LYST: variants seen among roughly 807,000 people sequenced by gnomAD.
LYST encodes the protein lysosomal-trafficking regulator.
Under a neutral mutation model 413.6 loss-of-function variants are expected in LYST, and 192 were observed. That is an observed-to-expected ratio of 0.46 (90% CI 0.41 to 0.52). The LOEUF is 0.52. Among genes scored for constraint, LYST ranks in the 20% least tolerant of loss-of-function variants. The pLI is 0.00. For missense variants in LYST, 3,815 were observed against 4,499.9 expected (o/e 0.85, Z 4.35); for synonymous variants, 1,525 against 1,567.3 (o/e 0.97, Z 0.64).
intron 3 of LYST, among the ~76,000 whole-genome samples, chr1:235,820,809 C>A: frequency 6.6e-6 from 1 of 152,200 alleles, no homozygotes; most frequent in Non-Finnish European, 1.5e-5. Flanking sequence ...ATAATTATTT[C>A]TAATATATGT....
At chr1:235,857,897 A>G (rs916374691) in intron 1 of LYST, among the ~76,000 whole-genome samples, 1 of 152,108 alleles carries the variant, frequency 6.6e-6, no homozygotes, top group African/African-American at 2.4e-5. Flanking sequence ...GTATTCTCCT[A>G]GTTTCCCAAG....
chr1:235,838,831 T>C (rs1207145875), intron 1 of LYST, among the ~76,000 whole-genome samples: 2 of 152,338 alleles, frequency 1.3e-5, no homozygotes, highest in South Asian at 2.1e-4. Flanking sequence ...TTAGTCTGTG[T>C]GTAGATCATT....
chr1:235,812,993 A>T lies in LYST; in HGVS notation c.261T>A (p.Pro87=). The T allele has an allele frequency of 1.9e-6, 3 of 1,610,672 alleles. No individual in the cohort carries two copies. The highest frequency in any genetic ancestry group is 2.5e-6 in the Non-Finnish European group (3 of 1,177,072). ...LSLLPLVWKI[P]VQEEKATDFN... is the part of the protein sequence containing the mutation. ...TACCTGTTGCCTTTTCTTCTTGGAC[A>T]GGTATCTTCCATACCAGTGGAAGGA... The change falls in exon 4 of 53, where the codon CCT becomes CCA. Residue 87 remains proline (P), a synonymous_variant. Coordinates refer to ENST00000389793, the MANE Select transcript of LYST (RefSeq NM_000081.4).
chr1:235,673,965 G>A (rs762628708), intron 50 of LYST, among the ~76,000 whole-genome samples: 50 of 152,206 alleles, frequency 3.3e-4, no homozygotes, highest in Admixed American at 3.3e-4. Flanking sequence ...GACCCAAATC[G>A]TCCCCTTTCC....
intron 1 of LYST, among the ~76,000 whole-genome samples, chr1:235,857,305 G>A (rs1679300334): frequency 6.6e-6 from 1 of 152,002 alleles, no homozygotes; most frequent in African/African-American, 2.4e-5. Context: ...CAACTAGATG[G>A]GCATGAGTGG....
intron 1 of LYST, among the ~76,000 whole-genome samples, chr1:235,838,060 T>C (rs1163670489): frequency 1.3e-5 from 2 of 152,114 alleles, no homozygotes; most frequent in African/African-American, 2.4e-5. Context: ...ATAAGAAGAA[T>C]GTCAGAGAAT....
chr1:235,733,253 C>T (rs1303911692), intron 34 of LYST, among the ~76,000 whole-genome samples: 1 of 151,254 alleles, frequency 6.6e-6, no homozygotes, highest in Non-Finnish European at 1.5e-5. Flanking sequence ...TTTTACAGAC[C>T]ATATTTTAAA....
chr1:235,712,576 G>A, intron 42 of LYST: 2 of 977,058 alleles, frequency 2.0e-6, no homozygotes, highest in Non-Finnish European at 2.4e-6. Context: ...GAATAATGAA[G>A]AAGGAAGATT....
chr1:235,746,199 GA>G, intron 29 of LYST, 136 bp downstream of exon 29: 1 of 730,036 alleles, frequency 1.4e-6, no homozygotes, highest in South Asian at 1.7e-5. Flanking sequence ...TTCCAAATAA[GA>G]AACTCTTAAT....
chr1:235,846,382 G>C (rs1677870879), intron 1 of LYST, among the ~76,000 whole-genome samples: 1 of 152,140 alleles, frequency 6.6e-6, no homozygotes, highest in East Asian at 1.9e-4. Flanking sequence ...ACAGTCTTCA[G>C]CCCTAGACCT....
In LYST at chr1:235,775,073, C is replaced by T. The variant is rs1253474445; in HGVS notation, c.5474G>A (p.Ser1825Asn). Reference sequence around the variant, plus strand: ...TAATGCTTGAGTTTCTTCACAGCTACTGAGTTCAACAACCTAAAAAAAAAA... The same window carrying T: ...TAATGCTTGAGTTTCTTCACAGCTATTGAGTTCAACAACCTAAAAAAAAAA... ...VFLFARVVEL[S>N]SCEETQALAL... is the part of the protein sequence containing the mutation. The change falls in exon 18 of 53, where the codon AGT (serine) becomes AAT (asparagine). Residue 1825 changes from serine to asparagine, a missense_variant. Ser to Asn is a conservative substitution (Grantham distance 46). Around this residue, in one of 4 missense-constraint regions of LYST, gnomAD observed 530 missense variants for 696.5 expected, o/e 0.76. Coordinates refer to ENST00000389793, the MANE Select transcript of LYST (RefSeq NM_000081.4). The T allele has an allele frequency of 1.2e-6, 2 of 1,610,698 alleles. No individual in the cohort carries two copies. The highest frequency in any genetic ancestry group is 1.7e-6 in the Non-Finnish European group (2 of 1,179,330).
chr1:235,746,083 C>T (rs1665894959), intron 29 of LYST, among the ~76,000 whole-genome samples: 1 of 152,120 alleles, frequency 6.6e-6, no homozygotes, highest in Non-Finnish European at 1.5e-5. Context: ...TGTGAATCTA[C>T]AACGATCTCA....
chr1:235,793,187 G>GT (rs1288926852), intron 11 of LYST, among the ~76,000 whole-genome samples: 3 of 152,164 alleles, frequency 2.0e-5, no homozygotes, highest in Admixed American at 2.0e-4. Context: ...TAAGATGGTT[G>GT]TAACTATTCA....
intron 1 of LYST, among the ~76,000 whole-genome samples, chr1:235,873,381 C>T (rs1402369893): frequency 1.3e-5 from 2 of 152,110 alleles, no homozygotes; most frequent in African/African-American, 2.4e-5. Context: ...ACAATTCTGT[C>T]CTGTTTTTCT....
chr1:235,719,620 A>G (rs1421077874), intron 40 of LYST, among the ~76,000 whole-genome samples: 14 of 106,344 alleles, frequency 1.3e-4, no homozygotes, highest in Non-Finnish European at 9.4e-5. Flanking sequence ...TCAACCATGC[A>G]GAATGATAAA....
intron 3 of LYST, among the ~76,000 whole-genome samples, chr1:235,816,381 A>T (rs1054493340): frequency 3.3e-5 from 5 of 149,996 alleles, no homozygotes; most frequent in Admixed American, 3.3e-4. Flanking sequence ...CGGAGGTTGC[A>T]GTGAGCCGAG....
Position 235,781,047 on chromosome 1 carries a change from C to A in LYST, c.5032G>T (p.Val1678Phe). ...AGATAAAAGGCCTCTTGTGAACCAACCTTAGCTCCTGAATAGCAGAAAAAT... is the reference window on the plus strand; with the variant it reads ...AGATAAAAGGCCTCTTGTGAACCAAACTTAGCTCCTGAATAGCAGAAAAAT... ...GNLLLFNGAKVGSQEAFYLYA... is the reference protein window; with the variant it reads ...GNLLLFNGAKFGSQEAFYLYA... Residue 1678 changes from valine (V) to phenylalanine (F), a missense_variant, in exon 16 of 53, where the codon GTT (valine) becomes TTT (phenylalanine). Physicochemically the swap from Val to Phe is conservative, Grantham distance 50. Around this residue, in one of 4 missense-constraint regions of LYST, gnomAD observed 530 missense variants for 696.5 expected, o/e 0.76. Transcript: ENST00000389793. The A allele has an allele frequency of 6.2e-7, 1 of 1,606,608 alleles. No homozygotes were observed. Among genetic ancestry groups the A allele is most frequent in the East Asian group, 2.2e-5 (1 of 44,642 alleles).
rs1660210705 is a variant in LYST, at chr1:235,686,232, T to G, written c.10800+717A>C. Among the ~76,000 whole-genome samples, 1 of 152,142 alleles carries G rather than the reference T, an allele frequency of 6.6e-6. No individual in the cohort carries two copies. Among genetic ancestry groups the G allele is most frequent in the Non-Finnish European group, 1.5e-5 (1 of 68,020 alleles). On this transcript the variant is annotated intron_variant, in intron 48 of 52. Transcript: ENST00000389793. This position sits in a 1 kb window ranked among gnomAD's most constrained non-coding sequence, Gnocchi z 4.0. ...AACTACAAAACTTGGCCGGGCGTGG[T>G]GGCACATGCCTGTGGTCCCAGCTAC...
chr1:235,738,054 C>A (rs745858981), intron 31 of LYST: 157 of 1,584,500 alleles, frequency 9.9e-5, no homozygotes, highest in Non-Finnish European at 1.3e-4. Context: ...AGAACAGATC[C>A]TCCAGAATAA....
Sources: allele counts gnomAD v4.1 joint callset (sites outside exome capture counted in the v4.1 genomes callset), GRCh38; gene constraint gnomAD v4.1.1; regional missense constraint gnomAD v4.1.1; non-coding constraint Gnocchi (gnomAD v3.1); transcripts MANE v1.5; gene names NCBI Gene and HGNC (gene_info 2026-07-23, HGNC 2026-07-21).